Variants in THSD7B observed in about 807,000 individuals in gnomAD.
THSD7B encodes the protein thrombospondin type 1 domain containing 7B.
A neutral mutation model predicts 213.6 loss-of-function variants in THSD7B; 138 were observed. That is an observed-to-expected ratio of 0.65 (90% CI 0.56 to 0.74). The LOEUF is 0.74. Among genes scored for constraint, THSD7B ranks in the 30% least tolerant of loss-of-function variants. The pLI is 0.00. For missense variants in THSD7B, 1,931 were observed against 1,991.5 expected, an observed-to-expected ratio of 0.97 and a Z score of 0.58; for synonymous variants, 742 against 687.0, an observed-to-expected ratio of 1.08 and a Z score of -1.25.
At chr2:137,511,341 CTTT>C (rs759851709) in intron 15 of THSD7B, among the ~76,000 whole-genome samples, 1 of 152,182 alleles carries the variant, frequency 6.6e-6, no homozygotes, top group Non-Finnish European at 1.5e-5. Flanking sequence ...GCATGGATAA[CTTT>C]TCTGTTTCTC....
At chr2:136,839,530 A>G (rs904737527) in intron 1 of THSD7B, among the ~76,000 whole-genome samples, 2 of 152,206 alleles carry the variant, frequency 1.3e-5, no homozygotes, top group Non-Finnish European at 2.9e-5. Context: ...GTTTCACTAT[A>G]TACTCATTAA....
chr2:137,483,979 G>A (rs141140333), intron 15 of THSD7B, among the ~76,000 whole-genome samples: 1 of 151,936 alleles, frequency 6.6e-6, no homozygotes, highest in Non-Finnish European at 1.5e-5. Flanking sequence ...GACATTATGC[G>A]ATTCGTTCCA....
chr2:137,655,570 C>T lies in THSD7B; in HGVS notation c.4015C>T (p.His1339Tyr), dbSNP rs536842953. 4.3e-6 allele frequency: 7 copies of T among 1,612,712 alleles called. No homozygotes were observed. The South Asian group carries it at 6.6e-5, about 15-fold the overall frequency. ...CATGGTCCACAGTGGTTCAATATCTCATGCAGCTGGACGTGTCGAGGATGC... is the reference window on the plus strand; with the variant it reads ...CATGGTCCACAGTGGTTCAATATCTTATGCAGCTGGACGTGTCGAGGATGC... ...SCMVHSGSIS[H>Y]AAGRVEDALC... The change falls in exon 22 of 28, where the codon CAT (histidine) becomes TAT (tyrosine). Residue 1339 changes from histidine to tyrosine, a missense_variant. By Grantham distance (83) the His-to-Tyr change is moderately conservative. Coordinates refer to ENST00000409968, the MANE Select transcript of THSD7B (RefSeq NM_001316349.2).
At chr2:136,954,589 G>A (rs971839893) in intron 2 of THSD7B, among the ~76,000 whole-genome samples, 2 of 151,834 alleles carry the variant, frequency 1.3e-5, no homozygotes, top group African/African-American at 2.4e-5. Flanking sequence ...GGTGGCGGGC[G>A]CCTGTAGTCC....
intron 2 of THSD7B, among the ~76,000 whole-genome samples, chr2:137,017,284 GTT>G (rs35558906): frequency 2.7e-5 from 4 of 145,956 alleles, no homozygotes; most frequent in African/African-American, 1.0e-4. Context: ...GGGCTTCCAT[GTT>G]TTTTTTTTTT....
chr2:137,399,608 TTGC>T (rs1686303951), intron 12 of THSD7B, among the ~76,000 whole-genome samples: 1 of 152,174 alleles, frequency 6.6e-6, no homozygotes, highest in Non-Finnish European at 1.5e-5. Context: ...TACTTTTATC[TTGC>T]TGCTTTAAAA....
chr2:137,182,388 C>T (rs1381621432), intron 7 of THSD7B, among the ~76,000 whole-genome samples: 1 of 151,966 alleles, frequency 6.6e-6, no homozygotes. Flanking sequence ...ATATTGACAA[C>T]TTACAGAATT....
chr2:137,662,749 C>A (rs182546347), intron 25 of THSD7B, among the ~76,000 whole-genome samples: 1 of 152,042 alleles, frequency 6.6e-6, no homozygotes, highest in African/African-American at 2.4e-5. Context: ...ATGCCATAAA[C>A]ATCTCCATAA....
chr2:137,310,911 TGTA>T (rs1363365004), intron 12 of THSD7B, among the ~76,000 whole-genome samples: 1 of 152,060 alleles, frequency 6.6e-6, no homozygotes, highest in Non-Finnish European at 1.5e-5. Flanking sequence ...ACTGTAGCCT[TGTA>T]GTATAGTTTG....
chr2:137,152,967 C>T (rs1679847208), intron 5 of THSD7B, among the ~76,000 whole-genome samples: 1 of 152,182 alleles, frequency 6.6e-6, no homozygotes, highest in African/African-American at 2.4e-5. Context: ...ACTTCATGAA[C>T]TGTATAAGAT....
chr2:137,588,722 GACA>G (rs1356234015), intron 17 of THSD7B, among the ~76,000 whole-genome samples: 1 of 151,294 alleles, frequency 6.6e-6, no homozygotes, highest in East Asian at 1.9e-4. Flanking sequence ...CTGGCATTTT[GACA>G]ATATCCATAT....
rs2104825672 is a variant in THSD7B, at chr2:137,665,891, A to G, written c.4652-1883A>G. ...TTGTTTAGTGAAAGAAAAAGTACAA[A>G]TCAAAGTGAATGATATGCACCATTT... On this transcript the variant is annotated intron_variant, in intron 26 of 27. Coordinates refer to ENST00000409968, the MANE Select transcript of THSD7B (RefSeq NM_001316349.2). 1.3e-5 allele frequency among the ~76,000 whole-genome samples: 2 copies of G among 151,574 alleles called. 1 individual carries two copies. Among genetic ancestry groups the G allele is most frequent in the South Asian group, 4.1e-4 (2 of 4,832 alleles).
intron 15 of THSD7B, among the ~76,000 whole-genome samples, chr2:137,461,013 C>A (rs1165273981): frequency 6.6e-6 from 1 of 152,066 alleles, no homozygotes; most frequent in Non-Finnish European, 1.5e-5. Context: ...TATTATTATT[C>A]ATGATGTTAC....
At position 137,487,396 on chromosome 2, in the gene THSD7B, A is replaced by AAAAAAAAAAC. The variant is rs757398774; in HGVS notation, c.3138+36376_3138+36377insAAAAAACAAA. On this transcript the variant is annotated intron_variant, in intron 15 of 27. Coordinates refer to ENST00000409968, the MANE Select transcript of THSD7B (RefSeq NM_001316349.2). ...TCTCAAAAAAAAAAAAAAAAAAAAA[A>AAAAAAAAAAC]AAAGAACTAGAAAAGCAAGAGCAAA... Among the ~76,000 whole-genome samples, 55 of 120,936 alleles carry AAAAAAAAAAC rather than the reference A, an allele frequency of 4.5e-4. 3 individuals are homozygous for AAAAAAAAAAC. The highest frequency in any genetic ancestry group is 8.1e-4 in the South Asian group (3 of 3,694). The allele number at this position is 120,936 out of a possible 152,430, so 79.3% of individuals were successfully genotyped here.
chr2:137,340,479 A>G (rs1033214165), intron 12 of THSD7B, among the ~76,000 whole-genome samples: 3 of 151,924 alleles, frequency 2.0e-5, no homozygotes, highest in African/African-American at 7.2e-5. Context: ...TTTGAAATGT[A>G]CAATATTATT....
chr2:137,562,716 C>A (rs1304590492), intron 15 of THSD7B, among the ~76,000 whole-genome samples: 1 of 151,648 alleles, frequency 6.6e-6, no homozygotes, highest in African/African-American at 2.4e-5. Flanking sequence ...AAATGATTGC[C>A]TGTTAGCATT....
At chr2:137,238,247 A>G (rs1443097844) in intron 9 of THSD7B, among the ~76,000 whole-genome samples, 1 of 152,142 alleles carries the variant, frequency 6.6e-6, no homozygotes, top group Non-Finnish European at 1.5e-5. Context: ...CTGTTTTGTG[A>G]ATGTTCGAGT....
chr2:136,916,708 C>T (rs1017619806), intron 2 of THSD7B, among the ~76,000 whole-genome samples: 1 of 152,208 alleles, frequency 6.6e-6, no homozygotes, highest in Non-Finnish European at 1.5e-5. Flanking sequence ...CTCTTACCTT[C>T]CCTTGCCTCC....
intron 20 of THSD7B, among the ~76,000 whole-genome samples, chr2:137,638,007 T>C (rs1682864458): frequency 1.3e-5 from 2 of 152,222 alleles, no homozygotes; most frequent in African/African-American, 4.8e-5. Context: ...GCCAAATGTG[T>C]TCATCTGGCA....
Sources: allele counts gnomAD v4.1 joint callset (sites outside exome capture counted in the v4.1 genomes callset), GRCh38; gene constraint gnomAD v4.1.1; transcripts MANE v1.5; gene names NCBI Gene and HGNC (gene_info 2026-07-23, HGNC 2026-07-21).